TMEM117: variants seen among roughly 807,000 people sequenced by gnomAD.
The protein encoded by TMEM117 is transmembrane protein 117.
TMEM117 carries 27 observed loss-of-function variants against 52.4 expected under a neutral mutation model. That is an observed-to-expected ratio of 0.51 (90% CI 0.38 to 0.71). The LOEUF (loss-of-function observed/expected upper bound fraction) is 0.71. Among genes scored for constraint, TMEM117 ranks in the 30% least tolerant of loss-of-function variants. The pLI is 0.00. For synonymous variants in TMEM117, 215 were observed against 206.3 expected (o/e 1.04, Z -0.36); for missense variants, 556 against 630.5 (o/e 0.88, Z 1.26).
chr12:44,166,430 G>A (rs1025682911), intron 4 of TMEM117, among the ~76,000 whole-genome samples: 1 of 152,172 alleles, frequency 6.6e-6, no homozygotes, highest in Non-Finnish European at 1.5e-5. Flanking sequence ...AATAGGTTTT[G>A]TGAAAGAAAT....
chr12:43,888,474 T>TAATGAATGG (rs1944039289), intron 2 of TMEM117, among the ~76,000 whole-genome samples: 1 of 152,032 alleles, frequency 6.6e-6, no homozygotes, highest in Non-Finnish European at 1.5e-5. Context: ...GCCCCATGGA[T>TAATGAATGG]AATGAATGGA....
chr12:44,211,955 G>A (rs1230947783), intron 5 of TMEM117, among the ~76,000 whole-genome samples: 2 of 152,186 alleles, frequency 1.3e-5, no homozygotes, highest in Non-Finnish European at 2.9e-5. Flanking sequence ...GAATGGAGAG[G>A]CAGCAAGAAG....
At chr12:44,159,833 A>G (rs1948875084) in intron 4 of TMEM117, among the ~76,000 whole-genome samples, 3 of 151,978 alleles carry the variant, frequency 2.0e-5, no homozygotes. Flanking sequence ...CTTGATAATA[A>G]TACTAAAAAA....
chr12:43,864,812 A>T (rs1407585461), intron 2 of TMEM117, among the ~76,000 whole-genome samples: 1 of 152,150 alleles, frequency 6.6e-6, no homozygotes, highest in Non-Finnish European at 1.5e-5. Context: ...ACACTGTGGG[A>T]ACTTTGTTCT....
chr12:44,291,745 A>T (rs894227265), intron 5 of TMEM117, among the ~76,000 whole-genome samples: 2 of 152,072 alleles, frequency 1.3e-5, no homozygotes, highest in African/African-American at 4.8e-5. Context: ...TGCATTTGAG[A>T]TGATCATATG....
intron 2 of TMEM117, among the ~76,000 whole-genome samples, chr12:43,904,575 G>T (rs4572199): frequency 0.72 from 108,966 of 151,980 alleles, 42,161 homozygotes; most frequent in East Asian, 0.87. Context: ...CACCAAGAGT[G>T]CTTGAGCAAG....
chr12:44,158,810 A>G (rs1023365375), intron 4 of TMEM117, among the ~76,000 whole-genome samples: 1 of 152,206 alleles, frequency 6.6e-6, no homozygotes, highest in Non-Finnish European at 1.5e-5. Flanking sequence ...AAGATTTTAC[A>G]TAATAGGAAT....
At chr12:44,357,227 C>G (rs1951662234) in intron 6 of TMEM117, among the ~76,000 whole-genome samples, 1 of 152,076 alleles carries the variant, frequency 6.6e-6, no homozygotes, top group Non-Finnish European at 1.5e-5. Flanking sequence ...TAGTTTCTCC[C>G]TCTTTTCTGT....
At chr12:44,207,660 A>G (rs572415110) in intron 4 of TMEM117, among the ~76,000 whole-genome samples, 1 of 152,244 alleles carries the variant, frequency 6.6e-6, no homozygotes, top group East Asian at 1.9e-4. Flanking sequence ...TACTGATGTG[A>G]AGCAAAGTGA....
At chr12:44,297,082 A>T (rs995188021) in intron 5 of TMEM117, among the ~76,000 whole-genome samples, 1 of 152,204 alleles carries the variant, frequency 6.6e-6, no homozygotes, top group Admixed American at 6.5e-5. Flanking sequence ...ATATGAGTAG[A>T]GGATCTCCTA....
At chr12:43,834,390 A>C (rs1026737803), upstream of TMEM117, among the ~76,000 whole-genome samples, 2 of 152,230 alleles carry the variant, frequency 1.3e-5, no homozygotes, top group African/African-American at 4.8e-5. Context: ...GTTAGGTACT[A>C]AGGATACAAT....
intron 2 of TMEM117, among the ~76,000 whole-genome samples, chr12:43,905,143 CAA>C (rs11327213): frequency 5.4e-4 from 78 of 143,396 alleles, no homozygotes; most frequent in African/African-American, 1.7e-3. Context: ...AACTCGGTCT[CAA>C]AAAAAAAAAA....
intron 6 of TMEM117, among the ~76,000 whole-genome samples, chr12:44,331,184 T>G (rs1399645342): frequency 6.9e-6 from 1 of 145,724 alleles, no homozygotes; most frequent in East Asian, 2.0e-4. Flanking sequence ...GACCTTTTTT[T>G]AAAAAAAAAA....
Position 44,100,427 on chromosome 12 carries a change from G to A in TMEM117, c.411-43098G>A, listed in dbSNP as rs149572085. 2.5e-3 allele frequency among the ~76,000 whole-genome samples: 374 copies of A among 152,056 alleles called. 5 individuals are homozygous for A. Among genetic ancestry groups the A allele is most frequent in the Admixed American group, 0.022 (341 of 15,254 alleles). On this transcript the variant is annotated intron_variant, in intron 3 of 7. Transcript: ENST00000266534. ...ATAAATTCTATTAAACATCCTAATT[G>A]TCTCTTAGATTTACTGCACACGTTA...
intron 6 of TMEM117, among the ~76,000 whole-genome samples, chr12:44,330,532 A>G (rs143099838): frequency 1.3e-5 from 2 of 152,178 alleles, no homozygotes; most frequent in African/African-American, 4.8e-5. Context: ...AAAATTATTG[A>G]TGAGATATTT....
intron 2 of TMEM117, among the ~76,000 whole-genome samples, chr12:43,885,415 T>TTTC (rs1253183491): frequency 6.0e-5 from 1 of 16,656 alleles, no homozygotes; most frequent in African/African-American, 7.2e-5. Context: ...TTTTCTTTTC[T>TTTC]TTTCTTTTTT....
chr12:44,185,659 A>G (rs1949267010), intron 4 of TMEM117, among the ~76,000 whole-genome samples: 1 of 152,154 alleles, frequency 6.6e-6, no homozygotes, highest in Non-Finnish European at 1.5e-5. Context: ...AGTTTTCATG[A>G]TACAAATATT....
At chr12:44,260,823 G>A (rs1950312097) in intron 5 of TMEM117, among the ~76,000 whole-genome samples, 1 of 152,206 alleles carries the variant, frequency 6.6e-6, no homozygotes, top group South Asian at 2.1e-4. Context: ...GCAGTGAGAG[G>A]AGAGGCAGAT....
At chr12:43,857,900 A>G (rs528344169) in intron 2 of TMEM117, among the ~76,000 whole-genome samples, 1 of 152,324 alleles carries the variant, frequency 6.6e-6, no homozygotes, top group South Asian at 2.1e-4. Context: ...AAGTGGTGGT[A>G]GGTGGGAGGA....
Sources: gnomAD v4.1 joint callset for allele counts (sites outside exome capture counted in the v4.1 genomes callset) on GRCh38, gnomAD v4.1.1 for gene constraint, MANE v1.5 for transcripts, NCBI Gene and HGNC (gene_info 2026-07-23, HGNC 2026-07-21) for gene names.